Variants in GCNT2 observed in about 807,000 individuals in gnomAD.
GCNT2 encodes the protein glucosaminyl (N-acetyl) transferase 2 (I blood group), also known as N-acetyllactosaminide beta-1,6-N-acetylglucosaminyl-transferase.
A neutral mutation model predicts 34.2 loss-of-function variants in GCNT2; 34 were observed. That is an observed-to-expected ratio of 1.00 (90% CI 0.76 to 1.32). The LOEUF (loss-of-function observed/expected upper bound fraction) is 1.32, where lower values mean the gene tolerates loss of function less well. GCNT2 is among the 40% of genes most tolerant of loss of function. The probability of loss-of-function intolerance (pLI) is 0.00; values close to 1 mark genes in which losing one functional copy is unlikely to be tolerated. For missense variants in GCNT2, 584 were observed against 489.4 expected, an observed-to-expected ratio of 1.19 and a Z score of -1.82; for synonymous variants, 212 against 188.0, an observed-to-expected ratio of 1.13 and a Z score of -1.04.
intron 3 of GCNT2, among the ~76,000 whole-genome samples, chr6:10,572,621 C>T (rs1212768134): frequency 2.0e-5 from 3 of 151,998 alleles, no homozygotes; most frequent in Non-Finnish European, 4.4e-5. Flanking sequence ...GTAGTCCCAG[C>T]TACTCAGGAG....
At chr6:10,600,534 C>A (rs949405088) in intron 3 of GCNT2, among the ~76,000 whole-genome samples, 1 of 152,098 alleles carries the variant, frequency 6.6e-6, no homozygotes, top group Admixed American at 6.6e-5. Flanking sequence ...CCTCATGCTG[C>A]CCCTGGGAGC....
intron 3 of GCNT2, among the ~76,000 whole-genome samples, chr6:10,587,826 C>A (rs1381039730): frequency 6.6e-6 from 1 of 152,074 alleles, no homozygotes; most frequent in East Asian, 1.9e-4. Flanking sequence ...CAACAGTGAC[C>A]CAGCATGGTT....
At chr6:10,540,011 G>A (rs375512941) in intron 3 of GCNT2, among the ~76,000 whole-genome samples, 17 of 152,200 alleles carry the variant, frequency 1.1e-4, no homozygotes, top group East Asian at 3.9e-4. Flanking sequence ...ACGGGAGGTC[G>A]GGGCTACAGT....
At chr6:10,563,752 AAAAG>A (rs1561802565) in intron 3 of GCNT2, among the ~76,000 whole-genome samples, 1 of 38,272 alleles carries the variant, frequency 2.6e-5, no homozygotes. Context: ...AAAAAAAGAA[AAAAG>A]AAAAAAAAAA....
chr6:10,551,730 A>C (rs1278518976), intron 3 of GCNT2, among the ~76,000 whole-genome samples: 1 of 150,842 alleles, frequency 6.6e-6, no homozygotes, highest in Non-Finnish European at 1.5e-5. Flanking sequence ...GGCATGAGCC[A>C]CTGCGCCTGG....
At chr6:10,617,279 C>G (rs1035755215) in intron 3 of GCNT2, among the ~76,000 whole-genome samples, 2 of 152,204 alleles carry the variant, frequency 1.3e-5, no homozygotes, top group Non-Finnish European at 2.9e-5. Context: ...CCCTCACTGC[C>G]CCGGGCGGCG....
chr6:10,550,439 A>G (rs1318302384), intron 3 of GCNT2, among the ~76,000 whole-genome samples: 3 of 152,074 alleles, frequency 2.0e-5, no homozygotes, highest in Non-Finnish European at 4.4e-5. Context: ...TTGACTCCCA[A>G]ACTTTGGTCC....
chr6:10,605,207 AATTT>A (rs923429196), intron 3 of GCNT2, among the ~76,000 whole-genome samples: 1 of 119,806 alleles, frequency 8.3e-6, no homozygotes, highest in Admixed American at 9.7e-5. Flanking sequence ...TTCATGTAGG[AATTT>A]TTTTTTTTTT....
At chr6:10,585,805 C>T in intron 3 of GCNT2, 1 of 1,444,882 alleles carries the variant, frequency 6.9e-7, no homozygotes, top group African/African-American at 1.4e-5. Flanking sequence ...CAGGCACATC[C>T]AAAAAGGATG....
rs1766278260 is a variant in GCNT2, at chr6:10,626,772, A to T, written c.*165A>T. 3.2e-6 allele frequency: 2 copies of T among 631,184 alleles called. No homozygotes were observed. The highest frequency in any genetic ancestry group is 2.8e-6 in the Non-Finnish European group (1 of 353,288). The allele number at this position is 631,184 out of a possible 1,614,324, so 39.1% of individuals were successfully genotyped here. On this transcript the variant is annotated 3_prime_UTR_variant, in exon 5 of 5. Coordinates refer to ENST00000495262, the MANE Select transcript of GCNT2 (RefSeq NM_145649.5). The stretch of plus-strand genomic sequence containing the variant: ...CTTAAAATATCCACTGGACACTGTG[A>T]AATACACTAACAGGATGGCTGGGTA...
chr6:10,609,918 T>G (rs1765479590), intron 3 of GCNT2, among the ~76,000 whole-genome samples: 1 of 152,036 alleles, frequency 6.6e-6, no homozygotes, highest in South Asian at 2.1e-4. Context: ...TGAGTGGTGG[T>G]GGGGCATCTC....
intron 3 of GCNT2, among the ~76,000 whole-genome samples, chr6:10,568,708 G>A (rs945293687): frequency 6.6e-6 from 1 of 152,116 alleles, no homozygotes; most frequent in Non-Finnish European, 1.5e-5. Context: ...TATTACCTGT[G>A]TTACCCCACC....
intron 3 of GCNT2, among the ~76,000 whole-genome samples, chr6:10,534,723 C>T (rs539855407): frequency 8.6e-5 from 13 of 151,642 alleles, no homozygotes; most frequent in African/African-American, 2.2e-4. Flanking sequence ...AATAGTCAGG[C>T]GTGGTGGCAT....
chr6:10,612,855 T>C (rs1486120792), intron 3 of GCNT2, among the ~76,000 whole-genome samples: 2 of 152,198 alleles, frequency 1.3e-5, no homozygotes, highest in African/African-American at 4.8e-5. Flanking sequence ...TTCTGCATTT[T>C]AAAAGTCCCT....
At chr6:10,575,114 G>A in intron 3 of GCNT2, 1 of 474,892 alleles carries the variant, frequency 2.1e-6, no homozygotes, top group Non-Finnish European at 3.9e-6. Flanking sequence ...TGCCTGCAAT[G>A]TCACCTTTCT....
chr6:10,528,764 C>G lies in GCNT2; in HGVS notation c.-148C>G. Reference sequence around the variant, plus strand: ...GAAGAAGAAAGAAAAAGGACCAGAACCGTGAACTGAAGGGACAGGGAACAG... The same window carrying G: ...GAAGAAGAAAGAAAAAGGACCAGAAGCGTGAACTGAAGGGACAGGGAACAG... On this transcript the variant is annotated 5_prime_UTR_variant, in exon 3 of 5. Coordinates refer to ENST00000495262, the MANE Select transcript of GCNT2 (RefSeq NM_145649.5). 1 of 714,854 alleles carries G rather than the reference C, an allele frequency of 1.4e-6. No homozygotes were observed. Among genetic ancestry groups the G allele is most frequent in the East Asian group, 2.6e-5 (1 of 38,164 alleles). The allele number at this position is 714,854 out of a possible 1,614,324, so 44.3% of individuals were successfully genotyped here.
At position 10,626,625 on chromosome 6, in the gene GCNT2, C is replaced by T. The variant is rs758526393; in HGVS notation, c.*18C>T. On this transcript the variant is annotated 3_prime_UTR_variant, in exon 5 of 5. Transcript: ENST00000495262. Reference sequence around the variant, plus strand: ...ATTTTTGAGCTATTCATGAGCTACTCATGACTGAAGGGAAACTGCAGCTGG... The same window carrying T: ...ATTTTTGAGCTATTCATGAGCTACTTATGACTGAAGGGAAACTGCAGCTGG... The T allele has an allele frequency of 3.1e-6, 5 of 1,591,288 alleles. No homozygotes were observed. In the South Asian group the frequency reaches 5.5e-5, roughly 18 times the overall value.
Position 10,529,023 on chromosome 6 carries a change from G to C in GCNT2, c.112G>C (p.Ala38Pro), listed in dbSNP as rs750969083. ...GGAGAATAAACGTTTTCTGAGGGCA[G>C]CTCTGTCCAATGCTTCACTGTTAGC... ...LWENKRFLRA[A>P]LSNASLLAEA... Residue 38 changes from alanine (A) to proline (P), a missense_variant, in exon 3 of 5, where the codon GCT (alanine) becomes CCT (proline). Ala to Pro is a conservative substitution (Grantham distance 27, BLOSUM62 -1). Coordinates refer to ENST00000495262, the MANE Select transcript of GCNT2 (RefSeq NM_145649.5). The C allele has an allele frequency of 3.1e-6, 5 of 1,614,040 alleles. No individual in the cohort carries two copies. The highest frequency in any genetic ancestry group is 4.2e-6 in the Non-Finnish European group (5 of 1,179,930).
chr6:10,556,724 A>C, intron 3 of GCNT2: 1 of 1,614,234 alleles, frequency 6.2e-7, no homozygotes, highest in Non-Finnish European at 8.5e-7. Context: ...TATAATGGTC[A>C]TCCATCATCA....
Sources: allele counts gnomAD v4.1 joint callset (sites outside exome capture counted in the v4.1 genomes callset), GRCh38; gene constraint gnomAD v4.1.1; transcripts MANE v1.5; gene names NCBI Gene and HGNC (gene_info 2026-07-23, HGNC 2026-07-21).